MICU2: variants seen among roughly 807,000 people sequenced by gnomAD.
The protein encoded by MICU2 is mitochondrial calcium uptake 2.
MICU2 carries 64 observed loss-of-function variants against 60.4 expected under a neutral mutation model. The observed-to-expected ratio is 1.06, with a 90% CI of 0.87 to 1.31. The LOEUF (loss-of-function observed/expected upper bound fraction) is 1.31, where lower values mean the gene tolerates loss of function less well. Ranked by LOEUF, MICU2 falls within the 50% of genes most tolerant of loss-of-function variation. MICU2 has a pLI of 0.00. For missense variants in MICU2, 569 were observed against 531.0 expected, an observed-to-expected ratio of 1.07 and a Z score of -0.70; for synonymous variants, 201 against 175.0, an observed-to-expected ratio of 1.15 and a Z score of -1.17.
At chr13:21,567,030 C>A (rs372673347) in intron 1 of MICU2, 86 bp from the exon 2 acceptor site, 30 of 1,158,398 alleles carry the variant, frequency 2.6e-5, no homozygotes, top group Middle Eastern at 5.4e-4. Flanking sequence ...GTAACTTTCA[C>A]GCTTGGATCT....
At chr13:21,525,998 A>G (rs1886846120) in intron 4 of MICU2, among the ~76,000 whole-genome samples, 1 of 151,676 alleles carries the variant, frequency 6.6e-6, no homozygotes, top group Non-Finnish European at 1.5e-5. Context: ...ACAGTGGCAC[A>G]GTAGTGGTTC....
intron 1 of MICU2, among the ~76,000 whole-genome samples, chr13:21,598,381 T>C (rs375480025): frequency 5.9e-5 from 9 of 152,336 alleles, no homozygotes; most frequent in African/African-American, 2.2e-4. Context: ...TTGCTGTTTT[T>C]ACTTTTCTTC....
chr13:21,516,209 G>A (rs1165340244), intron 6 of MICU2, among the ~76,000 whole-genome samples: 1 of 152,064 alleles, frequency 6.6e-6, no homozygotes, highest in African/African-American at 2.4e-5. Context: ...TCTCTTCCCA[G>A]TCAATCCTGG....
intron 4 of MICU2, among the ~76,000 whole-genome samples, chr13:21,534,168 C>T (rs1887077294): frequency 6.6e-6 from 1 of 150,680 alleles, no homozygotes; most frequent in African/African-American, 2.4e-5. Context: ...CAAAATAATA[C>T]CAAGTAATCC....
chr13:21,510,974 G>C (rs577368390), intron 7 of MICU2, among the ~76,000 whole-genome samples: 1 of 152,138 alleles, frequency 6.6e-6, no homozygotes, highest in East Asian at 1.9e-4. Context: ...GAGCTTGGTG[G>C]GACTTGAGCA....
chr13:21,517,799 A>ACG (rs758514044), intron 6 of MICU2, among the ~76,000 whole-genome samples: 3,625 of 136,330 alleles, frequency 0.027, 65 homozygotes, highest in East Asian at 0.062. Context: ...ACACACACAC[A>ACG]CGCGCGCGCG....
chr13:21,550,359 A>G (rs965284637), intron 2 of MICU2, among the ~76,000 whole-genome samples: 6 of 152,300 alleles, frequency 3.9e-5, no homozygotes, highest in Admixed American at 2.0e-4. Context: ...CAACCAAGCA[A>G]AACCTCTCTC....
intron 1 of MICU2, among the ~76,000 whole-genome samples, chr13:21,587,167 G>C (rs1159332465): frequency 6.6e-6 from 1 of 152,128 alleles, no homozygotes; most frequent in Admixed American, 6.5e-5. Context: ...CAGGAGACTG[G>C]TTACATATGG....
At chr13:21,567,164 G>A (rs1197348647) in intron 1 of MICU2, among the ~76,000 whole-genome samples, 2 of 152,250 alleles carry the variant, frequency 1.3e-5, no homozygotes, top group African/African-American at 2.4e-5. Context: ...AAGGGAGAAT[G>A]GCAATTAATG....
intron 1 of MICU2, among the ~76,000 whole-genome samples, chr13:21,584,196 T>C (rs1356797567): frequency 6.6e-6 from 1 of 151,926 alleles, no homozygotes; most frequent in Non-Finnish European, 1.5e-5. Context: ...GAGACCATCA[T>C]GGCTAACAGG....
chr13:21,558,102 C>T (rs965838292), intron 2 of MICU2, among the ~76,000 whole-genome samples: 1 of 152,100 alleles, frequency 6.6e-6, no homozygotes, highest in Non-Finnish European at 1.5e-5. Context: ...TTAACAATTC[C>T]CTGCTCCCCC....
At chr13:21,578,740 T>C (rs530257325) in intron 1 of MICU2, among the ~76,000 whole-genome samples, 1 of 152,352 alleles carries the variant, frequency 6.6e-6, no homozygotes, top group South Asian at 2.1e-4. Context: ...ACTAAAGATA[T>C]ACACAAATAG....
At chr13:21,576,452 A>T (rs2138052135) in intron 1 of MICU2, among the ~76,000 whole-genome samples, 1 of 152,330 alleles carries the variant, frequency 6.6e-6, no homozygotes, top group South Asian at 2.1e-4. Flanking sequence ...AGGGATAACA[A>T]CATTTAGGAT....
rs564902284 is a variant in MICU2, at chr13:21,495,829, C to T, written c.1042+223G>A. 76 of 398,158 alleles carry T rather than the reference C, an allele frequency of 1.9e-4. 1 individual carries two copies. Among genetic ancestry groups the T allele is most frequent in the African/African-American group, 1.3e-3 (62 of 47,570 alleles). The allele number at this position is 398,158 out of a possible 1,614,324, so 24.7% of individuals were successfully genotyped here. A position where few individuals can be genotyped will look rare whatever the true frequency, so the allele number is the denominator to read the frequency against. ...GATTACAGGCATGAGCCACCATGCCCGGCCTTCTTCCTTCTTTTTAGGAGA... is the reference window on the plus strand; with the variant it reads ...GATTACAGGCATGAGCCACCATGCCTGGCCTTCTTCCTTCTTTTTAGGAGA... On this transcript the variant is annotated intron_variant, in intron 10 of 11. Coordinates refer to ENST00000382374, the MANE Select transcript of MICU2 (RefSeq NM_152726.3).
intron 6 of MICU2, 59 bp from the exon 7 acceptor site, chr13:21,514,477 T>TA: frequency 5.0e-6 from 6 of 1,205,324 alleles, no homozygotes; most frequent in Non-Finnish European, 7.3e-6. Context: ...CAAAACAACC[T>TA]AAAAAATAGA....
chr13:21,495,125 A>G, intron 11 of MICU2, 36 bp downstream of exon 11: 1 of 1,537,732 alleles, frequency 6.5e-7, no homozygotes. Flanking sequence ...AGTTAATGAC[A>G]ATGTAAACAT....
chr13:21,521,696 TAAAC>T (rs1363244929), intron 5 of MICU2, among the ~76,000 whole-genome samples: 3 of 152,238 alleles, frequency 2.0e-5, no homozygotes, highest in South Asian at 4.1e-4. Context: ...TCAGAGTACT[TAAAC>T]AACAACAACG....
At chr13:21,560,028 C>A (rs540203480) in intron 2 of MICU2, among the ~76,000 whole-genome samples, 2 of 152,252 alleles carry the variant, frequency 1.3e-5, no homozygotes, top group African/African-American at 4.8e-5. Context: ...TGCCTACTTA[C>A]TACTTCTGTC....
intron 1 of MICU2, among the ~76,000 whole-genome samples, chr13:21,581,940 C>CT (rs772668739): frequency 6.6e-6 from 1 of 152,134 alleles, no homozygotes; most frequent in Non-Finnish European, 1.5e-5. Context: ...AAAGCTTGGT[C>CT]TTTAACAAAA....
Sources: gnomAD v4.1 joint callset for allele counts (sites outside exome capture counted in the v4.1 genomes callset) on GRCh38, gnomAD v4.1.1 for gene constraint, MANE v1.5 for transcripts, NCBI Gene and HGNC (gene_info 2026-07-23, HGNC 2026-07-21) for gene names.